ABCG1: variants seen among roughly 807,000 people sequenced by gnomAD.
The protein encoded by ABCG1 is ATP-binding cassette sub-family G member 1.
In ABCG1, 29 loss-of-function variants were observed where a neutral mutation model predicts 69.2. The observed-to-expected ratio is 0.42, with a 90% CI of 0.31 to 0.57. The LOEUF (loss-of-function observed/expected upper bound fraction) is 0.57, where lower values mean the gene tolerates loss of function less well. Among genes scored for constraint, ABCG1 ranks in the 20% least tolerant of loss-of-function variants. The pLI is 0.15. For missense variants in ABCG1, 718 were observed against 898.1 expected, an observed-to-expected ratio of 0.80 and a Z score of 2.56; for synonymous variants, 370 against 374.8, an observed-to-expected ratio of 0.99 and a Z score of 0.15.
chr21:42,217,777 C>T (rs1010466141), upstream of ABCG1, among the ~76,000 whole-genome samples: 3 of 149,086 alleles, frequency 2.0e-5, no homozygotes, highest in Non-Finnish European at 4.4e-5. Flanking sequence ...CTGCAAGCTC[C>T]GCCTCCCAGG....
chr21:42,267,487 T>C (rs754782523), intron 2 of ABCG1, among the ~76,000 whole-genome samples: 2 of 150,864 alleles, frequency 1.3e-5, no homozygotes, highest in Non-Finnish European at 3.0e-5. Flanking sequence ...GGGTCTGATC[T>C]GGGTTCTGTC....
At chr21:42,263,613 T>G (rs1303968733) in intron 2 of ABCG1, among the ~76,000 whole-genome samples, 1 of 152,226 alleles carries the variant, frequency 6.6e-6, no homozygotes, top group East Asian at 1.9e-4. Flanking sequence ...ACAGGCACAT[T>G]TCCATGGCCA....
intron 2 of ABCG1, among the ~76,000 whole-genome samples, chr21:42,263,661 C>G (rs899388155): frequency 4.6e-5 from 7 of 152,200 alleles, no homozygotes; most frequent in African/African-American, 1.7e-4. Context: ...GTCTCGCCCA[C>G]TTGGGGAGGG....
chr21:42,239,867 G>A (rs970777850), intron 2 of ABCG1, among the ~76,000 whole-genome samples: 2 of 152,242 alleles, frequency 1.3e-5, no homozygotes, highest in Admixed American at 6.5e-5. Context: ...CCTTTGTCAC[G>A]TGGCCTCTGC....
chr21:42,293,959 ACAC>A (rs2069150822), intron 13 of ABCG1, among the ~76,000 whole-genome samples: 2 of 29,238 alleles, frequency 6.8e-5, no homozygotes, highest in Admixed American at 6.9e-4. Context: ...CACCACACAC[ACAC>A]TCCACACACA....
chr21:42,226,566 C>A (rs561345515), intron 2 of ABCG1, among the ~76,000 whole-genome samples: 2 of 152,262 alleles, frequency 1.3e-5, no homozygotes, highest in East Asian at 3.9e-4. Flanking sequence ...TGAGTTTTCT[C>A]AGCAACCTTC....
Position 42,273,276 on chromosome 21 carries a change from C to A in ABCG1, c.405-27C>A, listed in dbSNP as rs368735727. ...GGAGGAGGAGCAGGAGCCCGGCTGA[C>A]GGCTTCTCCTGTCCTTGGTTCTGCA... On this transcript the variant is annotated intron_variant, in intron 3 of 14. Transcript: ENST00000398449. The surrounding 1 kb of genome is among the most constrained non-coding windows in gnomAD (Gnocchi z 5.3). The A allele has an allele frequency of 6.3e-7, 1 of 1,598,868 alleles. No homozygotes were observed.
At chr21:42,232,398 C>T (rs1217433802) in intron 2 of ABCG1, among the ~76,000 whole-genome samples, 24 of 152,230 alleles carry the variant, frequency 1.6e-4, no homozygotes, top group Admixed American at 1.0e-3. Flanking sequence ...GCGTTGTTAG[C>T]GGTGGCAGCC....
Position 42,294,595 on chromosome 21 carries a change from G to C in ABCG1, c.1707G>C (p.Gly569=), listed in dbSNP as rs1440496584. The change falls in exon 14 of 15, where the codon GGG becomes GGC. Residue 569 remains glycine, a synonymous_variant. Transcript: ENST00000398449. ...VTAIPVLLFS[G]FFVSFDTIPT... ...CCATCCCGGTGCTCCTGTTCTCGGG[G>C]TTCTTCGTCAGCTTCGACACCATCC... is the stretch of plus-strand genomic sequence containing the variant. The C allele has an allele frequency of 1.9e-6, 3 of 1,614,212 alleles. No individual in the cohort carries two copies. The highest frequency in any genetic ancestry group is 1.7e-6 in the Non-Finnish European group (2 of 1,180,022).
In ABCG1 at chr21:42,291,404, G is replaced by A. The variant is rs572873701; in HGVS notation, c.1495-94G>A. ...CCCGACTTTGGGAGCTCTGGCGGGA[G>A]CTGCGGGGAAGGGCTGGCTGCCCAG... On this transcript the variant is annotated intron_variant, in intron 12 of 14. Transcript: ENST00000398449. The surrounding 1 kb of genome is among the most constrained non-coding windows in gnomAD (Gnocchi z 6.4). 24 of 1,515,872 alleles carry A rather than the reference G, an allele frequency of 1.6e-5. No homozygotes were observed. The African/African-American group carries it at 1.9e-4, about 12-fold the overall frequency. 93.9% of individuals were successfully genotyped at this position (1,515,872 alleles called of 1,614,324 possible). A position where few individuals can be genotyped will look rare whatever the true frequency, so the allele number is the denominator to read the frequency against.
chr21:42,291,624 C>G lies in ABCG1; in HGVS notation c.1621C>G (p.Leu541Val), dbSNP rs1569241918. The G allele has an allele frequency of 6.2e-7, 1 of 1,607,334 alleles. No homozygotes were observed. Among genetic ancestry groups the G allele is most frequent in the Admixed American group, 1.7e-5 (1 of 59,960 alleles). Residue 541 changes from leucine (L) to valine (V), a missense_variant, in exon 13 of 15, where the codon CTG (leucine) becomes GTG (valine). Transcript: ENST00000398449. This position sits in a 1 kb window ranked among gnomAD's most constrained non-coding sequence, Gnocchi z 6.4. ...MTSLVAQSLG[L>V]LIGAASTSLQ... ...CTCCCTGGTGGCACAGTCCCTGGGC[C>G]TGCTGATCGGAGCCGCCTCCACGTC...
intron 2 of ABCG1, among the ~76,000 whole-genome samples, chr21:42,269,763 T>C (rs1180918762): frequency 6.6e-6 from 1 of 152,170 alleles, no homozygotes; most frequent in Non-Finnish European, 1.5e-5. Context: ...GGAAGACAGC[T>C]GGGAGCAAAC....
chr21:42,287,817 C>T lies in ABCG1; in HGVS notation c.974-72C>T, dbSNP rs1050524381. On this transcript the variant is annotated intron_variant, in intron 8 of 14. Coordinates refer to ENST00000398449, the MANE Select transcript of ABCG1 (RefSeq NM_016818.3). The surrounding 1 kb of genome is among the most constrained non-coding windows in gnomAD (Gnocchi z 6.2). ...CTTTAAAACATTCCCACTTGAATAA[C>T]GACTTTCGCATTTGGGTGGTTGGGG... The T allele has an allele frequency of 1.7e-5, 24 of 1,452,408 alleles. No individual in the cohort carries two copies. The highest frequency in any genetic ancestry group is 2.1e-5 in the Non-Finnish European group (23 of 1,081,940). The allele number at this position is 1,452,408 out of a possible 1,614,324, so 90.0% of individuals were successfully genotyped here.
At chr21:42,247,011 C>A (rs1242444498) in intron 2 of ABCG1, among the ~76,000 whole-genome samples, 3 of 151,858 alleles carry the variant, frequency 2.0e-5, no homozygotes, top group African/African-American at 7.3e-5. Context: ...TGTTTTACTT[C>A]AAGTTAGACG....
In ABCG1 at chr21:42,276,862, C is replaced by A. The variant is rs1403850101; in HGVS notation, c.538-33C>A. 2 of 1,613,018 alleles carry A rather than the reference C, an allele frequency of 1.2e-6. No individual in the cohort carries two copies. The highest frequency in any genetic ancestry group is 1.7e-4 in the Middle Eastern group (1 of 5,994). Reference sequence around the variant, plus strand: ...CTCACACTGCCAGTGGCCGTCTGTTCTGCTTCCACACTGTTGTCCTTGTCC... The same window carrying A: ...CTCACACTGCCAGTGGCCGTCTGTTATGCTTCCACACTGTTGTCCTTGTCC... On this transcript the variant is annotated intron_variant, in intron 4 of 14. Coordinates refer to ENST00000398449, the MANE Select transcript of ABCG1 (RefSeq NM_016818.3). This position sits in a 1 kb window ranked among gnomAD's most constrained non-coding sequence, Gnocchi z 5.3.
At chr21:42,221,445 C>T (rs1309641908) in intron 1 of ABCG1, among the ~76,000 whole-genome samples, 1 of 152,132 alleles carries the variant, frequency 6.6e-6, no homozygotes, top group Non-Finnish European at 1.5e-5. Flanking sequence ...AAAGGAGGTA[C>T]TTGGGGGTGA....
chr21:42,282,177 C>A, intron 5 of ABCG1, 97 bp from the exon 6 acceptor site: 2 of 1,516,688 alleles, frequency 1.3e-6, no homozygotes, highest in East Asian at 2.3e-5. Flanking sequence ...GTGTGTCCAG[C>A]AGGCTGAGGG....
chr21:42,282,264 T>C lies in ABCG1; in HGVS notation c.589-10T>C. On this transcript the variant is annotated splice_polypyrimidine_tract_variant and intron_variant, in intron 5 of 14. Coordinates refer to ENST00000398449, the MANE Select transcript of ABCG1 (RefSeq NM_016818.3). ...GCAGCTCCCAATGTCTCTCGTTCTG[T>C]TGCCCCCAGGTCAAGGAGATACTGA... 1 of 1,609,864 alleles carries C rather than the reference T, an allele frequency of 6.2e-7. No individual in the cohort carries two copies.
chr21:42,244,401 G>A (rs1046059430), intron 2 of ABCG1, among the ~76,000 whole-genome samples: 1 of 152,132 alleles, frequency 6.6e-6, no homozygotes, highest in Non-Finnish European at 1.5e-5. Context: ...CATTTCCACC[G>A]TCCTCTGTGC....
Sources: allele counts gnomAD v4.1 joint callset (sites outside exome capture counted in the v4.1 genomes callset), GRCh38; gene constraint gnomAD v4.1.1; non-coding constraint Gnocchi (gnomAD v3.1); transcripts MANE v1.5; gene names NCBI Gene and HGNC (gene_info 2026-07-23, HGNC 2026-07-21).